The following NRXN3 variants were observed in gnomAD, a reference collection of about 807,000 sequenced individuals.
The protein encoded by NRXN3 is neurexin III.
A neutral mutation model predicts 137.6 loss-of-function variants in NRXN3; 32 were observed. The ratio of observed to expected loss-of-function variants is 0.23; its 90% CI spans 0.18 to 0.31. NRXN3 has a LOEUF of 0.31. Among genes scored for constraint, NRXN3 ranks in the 10% least tolerant of loss-of-function variants. NRXN3 has a pLI of 1.00. For synonymous variants in NRXN3, 798 were observed against 784.5 expected, an observed-to-expected ratio of 1.02 and a Z score of -0.29; for missense variants, 1,574 against 2,062.5, an observed-to-expected ratio of 0.76 and a Z score of 4.59.
chr14:78,225,781 G>A (rs376577053), intron 1 of NRXN3, among the ~76,000 whole-genome samples: 1 of 151,954 alleles, frequency 6.6e-6, no homozygotes, highest in South Asian at 2.1e-4. Flanking sequence ...TCCTTCTGCT[G>A]GGACACCTCC....
intron 15 of NRXN3, among the ~76,000 whole-genome samples, chr14:79,125,788 T>G (rs2056311123): frequency 1.3e-5 from 2 of 152,100 alleles, no homozygotes. Flanking sequence ...ATTTCCTCTT[T>G]TTTTGCTCGT....
chr14:78,814,109 A>C (rs2098923823), intron 10 of NRXN3, among the ~76,000 whole-genome samples: 1 of 152,230 alleles, frequency 6.6e-6, no homozygotes, highest in East Asian at 1.9e-4. Context: ...TCTAGTTACT[A>C]TCAATAAACA....
In NRXN3 at chr14:79,544,794, T is replaced by C. The variant is rs139437886; in HGVS notation, c.3444+77392T>C. Reference sequence around the variant, plus strand: ...CACCTGGCAACTTGTTACAAACGCATATTGTTGATTCTCATTCCACAACTA... The same window carrying C: ...CACCTGGCAACTTGTTACAAACGCACATTGTTGATTCTCATTCCACAACTA... On this transcript the variant is annotated intron_variant, in intron 16 of 20. Transcript: ENST00000335750. Among the ~76,000 whole-genome samples the C allele has an allele frequency of 5.3e-5, 8 of 152,318 alleles. No individual in the cohort carries two copies. The South Asian group carries it at 8.3e-4, about 16-fold the overall frequency.
At chr14:79,809,628 GAA>G (rs1182871637) in intron 20 of NRXN3, among the ~76,000 whole-genome samples, 3 of 152,166 alleles carry the variant, frequency 2.0e-5, no homozygotes, top group Non-Finnish European at 4.4e-5. Context: ...AAGATATTCA[GAA>G]GTGTATCTGA....
At chr14:78,478,225 A>G (rs563366061) in intron 4 of NRXN3, among the ~76,000 whole-genome samples, 1 of 152,298 alleles carries the variant, frequency 6.6e-6, no homozygotes, top group African/African-American at 2.4e-5. Flanking sequence ...AAATGGCTTT[A>G]TATTATACAA....
intron 16 of NRXN3, among the ~76,000 whole-genome samples, chr14:79,566,896 G>A (rs952453568): frequency 8.6e-5 from 13 of 151,938 alleles, no homozygotes; most frequent in East Asian, 7.7e-4. Flanking sequence ...CAGTAATTTC[G>A]TTTAATTGAA....
At chr14:79,811,818 G>A (rs532694491) in intron 20 of NRXN3, among the ~76,000 whole-genome samples, 2 of 151,710 alleles carry the variant, frequency 1.3e-5, no homozygotes, top group South Asian at 2.1e-4. Flanking sequence ...TCCTGACCTC[G>A]TGATCCACCC....
intron 8 of NRXN3, among the ~76,000 whole-genome samples, chr14:78,750,192 C>A (rs1234823392): frequency 6.6e-6 from 1 of 152,212 alleles, no homozygotes; most frequent in Non-Finnish European, 1.5e-5. Flanking sequence ...ATTCTTCAGG[C>A]CAACTGATGG....
intron 10 of NRXN3, among the ~76,000 whole-genome samples, chr14:78,954,040 A>C (rs1244658127): frequency 6.6e-6 from 1 of 152,196 alleles, no homozygotes; most frequent in Non-Finnish European, 1.5e-5. Context: ...ATAGGCCAGA[A>C]AAAGTCATCC....
At chr14:78,813,022 A>G (rs1482351733) in intron 10 of NRXN3, among the ~76,000 whole-genome samples, 1 of 10,366 alleles carries the variant, frequency 9.6e-5, no homozygotes, top group East Asian at 3.4e-3. Flanking sequence ...CAAAGTAAAT[A>G]TAATACATTT....
chr14:79,034,349 T>TACACACAC lies in NRXN3; in HGVS notation c.3262+46230_3262+46237dup, dbSNP rs56226324. ...TACTATAATTATGGTTCTTATTTCT[T>TACACACAC]ACACACACACACACACACACACACA... On this transcript the variant is annotated intron_variant, in intron 15 of 20. Transcript: ENST00000335750. 3.5e-3 allele frequency among the ~76,000 whole-genome samples: 506 copies of TACACACAC among 144,530 alleles called. 8 individuals carry two copies. Among genetic ancestry groups the TACACACAC allele is most frequent in the African/African-American group, 0.011 (420 of 38,028 alleles). The allele number at this position is 144,530 out of a possible 152,430, so 94.8% of individuals were successfully genotyped here.
At position 79,863,065 on chromosome 14, in the gene NRXN3, T is replaced by TTCAAC. The variant is rs1396625480; in HGVS notation, c.*1104_*1108dup. 6.6e-6 allele frequency: 1 copy of TTCAAC among 152,012 alleles called. No individual in the cohort carries two copies. Among genetic ancestry groups the TTCAAC allele is most frequent in the Non-Finnish European group, 1.5e-5 (1 of 67,930 alleles). The allele number at this position is 152,012 out of a possible 1,614,324, so 9.4% of individuals were successfully genotyped here. ...GTTATCAAACCAGACAGTAGGGGAG[T>TTCAAC]TCAACTCGTGATGGAACCACAAAAG... On this transcript the variant is annotated 3_prime_UTR_variant, in exon 21 of 21. Transcript: ENST00000335750.
At chr14:78,363,108 C>G (rs2085380771) in intron 4 of NRXN3, among the ~76,000 whole-genome samples, 2 of 152,188 alleles carry the variant, frequency 1.3e-5, no homozygotes, top group Non-Finnish European at 2.9e-5. Context: ...AAGGTCATTC[C>G]TGCTGCAGGC....
intron 16 of NRXN3, among the ~76,000 whole-genome samples, chr14:79,548,941 A>G (rs1171423129): frequency 2.0e-5 from 3 of 152,056 alleles, no homozygotes; most frequent in Admixed American, 2.0e-4. Flanking sequence ...GTAATCTCCT[A>G]TGCTGACTTT....
chr14:78,922,119 G>A (rs1394372916), intron 10 of NRXN3, among the ~76,000 whole-genome samples: 2 of 152,182 alleles, frequency 1.3e-5, no homozygotes, highest in Non-Finnish European at 2.9e-5. Context: ...CAGCATGTAA[G>A]AATGCTGAGG....
At chr14:78,544,576 G>T (rs1359670269) in intron 4 of NRXN3, among the ~76,000 whole-genome samples, 1 of 152,178 alleles carries the variant, frequency 6.6e-6, no homozygotes, top group Non-Finnish European at 1.5e-5. Flanking sequence ...CTTACATGGT[G>T]GAATTCATGC....
rs76612586 is a variant in NRXN3 at position 78,572,090 on chromosome 14, T to G, written c.758-73030T>G. Among the ~76,000 whole-genome samples the G allele has an allele frequency of 2.6e-5, 4 of 152,304 alleles. No individual in the cohort carries two copies. In the East Asian group the frequency reaches 7.7e-4, roughly 29 times the overall value. ...TAGCTCCTGCTTGCTTTTTCAAAGC[T>G]CTTTGTTCAAGTGTCAGTGCTGGTT... On this transcript the variant is annotated intron_variant, in intron 4 of 20. Coordinates refer to ENST00000335750, the MANE Select transcript of NRXN3 (RefSeq NM_001330195.2).
At chr14:78,233,813 A>G (rs2065808224) in intron 1 of NRXN3, among the ~76,000 whole-genome samples, 1 of 151,988 alleles carries the variant, frequency 6.6e-6, no homozygotes, top group Non-Finnish European at 1.5e-5. Flanking sequence ...AGACTCATGT[A>G]TGACTCTCCA....
chr14:78,850,707 A>T lies in NRXN3; in HGVS notation c.2275+40363A>T, dbSNP rs191157143. ...TTGCAAGTGGAGCAAAAATGTTATA[A>T]TTTAGATCATGTGACCGAAATACCA... On this transcript the variant is annotated intron_variant, in intron 10 of 20. Transcript: ENST00000335750. 1.5e-3 allele frequency among the ~76,000 whole-genome samples: 235 copies of T among 152,264 alleles called. 3 individuals carry two copies. The highest frequency in any genetic ancestry group is 5.4e-3 in the African/African-American group (224 of 41,550).
Sources: allele counts gnomAD v4.1 joint callset (sites outside exome capture counted in the v4.1 genomes callset), GRCh38; gene constraint gnomAD v4.1.1; transcripts MANE v1.5; gene names NCBI Gene and HGNC (gene_info 2026-07-23, HGNC 2026-07-21).